The following TNRC6B variants were observed in gnomAD, a reference collection of about 807,000 sequenced individuals.
TNRC6B encodes trinucleotide repeat-containing gene 6B protein.
Under a neutral mutation model 203.6 loss-of-function variants are expected in TNRC6B, and 52 were observed. The observed-to-expected ratio is 0.26, with a 90% CI of 0.20 to 0.32. The LOEUF (loss-of-function observed/expected upper bound fraction) is 0.32, where lower values mean the gene tolerates loss of function less well. Among genes scored for constraint, TNRC6B ranks in the 10% least tolerant of loss-of-function variants. The pLI, the probability that TNRC6B is intolerant of heterozygous loss-of-function variation, is 1.00. For synonymous variants in TNRC6B, 838 were observed against 845.7 expected, an observed-to-expected ratio of 0.99 and a Z score of 0.16; for missense variants, 1,923 against 2,286.2, an observed-to-expected ratio of 0.84 and a Z score of 3.24.
chr22:40,264,698 T>C lies in TNRC6B; in HGVS notation c.468T>C (p.Leu156=). 1 of 1,591,766 alleles carries C rather than the reference T, an allele frequency of 6.3e-7. No homozygotes were observed. The highest frequency in any genetic ancestry group is 8.6e-7 in the Non-Finnish European group (1 of 1,168,134). ...SESGTAPDST[L]GGAAASNYAN... is the part of the protein sequence containing the mutation. ...TGATCTGTTCCCCAGACTCAACCCT[T>C]GGAGGTGCTGCTGCTTCAAATTATG... Residue 156 remains leucine (L), a synonymous_variant, in exon 5 of 23, where the codon CTT becomes CTC. Transcript: ENST00000454349.
At chr22:40,283,517 A>G (rs1029124310) in intron 11 of TNRC6B, among the ~76,000 whole-genome samples, 1 of 152,206 alleles carries the variant, frequency 6.6e-6, no homozygotes, top group East Asian at 1.9e-4. Context: ...CCAAATCTGT[A>G]TGATTGCCCC....
chr22:40,308,532 G>C lies in TNRC6B; in HGVS notation c.4141G>C (p.Asp1381His). The C allele has an allele frequency of 1.9e-6, 3 of 1,613,934 alleles. No homozygotes were observed. Among genetic ancestry groups the C allele is most frequent in the Non-Finnish European group, 2.5e-6 (3 of 1,179,884 alleles). Residue 1381 changes from aspartate (D) to histidine (H), a missense_variant, in exon 16 of 23, where the codon GAC (aspartate) becomes CAC (histidine). Transcript: ENST00000454349. ...YGSGFSSGGM[D>H]YGMVGGKEAG... ...TTTAGGCTTCAGCTCTGGCGGCATGGACTATGGCATGGTTGGTGGGAAGGA... is the reference window on the plus strand; with the variant it reads ...TTTAGGCTTCAGCTCTGGCGGCATGCACTATGGCATGGTTGGTGGGAAGGA...
chr22:40,102,896 G>T (rs894021364), intron 1 of TNRC6B, among the ~76,000 whole-genome samples: 4 of 152,084 alleles, frequency 2.6e-5, no homozygotes, highest in Admixed American at 2.6e-4. Flanking sequence ...GGCCAACATG[G>T]TGAAACCCCG....
intron 1 of TNRC6B, among the ~76,000 whole-genome samples, chr22:40,202,239 A>G (rs985385835): frequency 8.8e-5 from 8 of 91,016 alleles, no homozygotes; most frequent in Non-Finnish European, 1.4e-4. Flanking sequence ...CTAAATGTGT[A>G]TGTGTTGTTG....
chr22:40,167,634 C>T (rs1204387024), intron 4 of TNRC6B, among the ~76,000 whole-genome samples: 1 of 142,362 alleles, frequency 7.0e-6, no homozygotes, highest in South Asian at 2.2e-4. Flanking sequence ...AATCCTAGCA[C>T]TTTGGGAGAC....
In TNRC6B at chr22:40,264,780, A is replaced by T; in HGVS notation, c.550A>T (p.Ile184Phe). Residue 184 changes from isoleucine to phenylalanine, a missense_variant, in exon 5 of 23, where the codon ATT becomes TTT. Around this residue, in one of 8 missense-constraint regions of TNRC6B, gnomAD observed 614 missense variants for 587.7 expected, o/e 1.04. Transcript: ENST00000454349. ...SSNNGTSPNPIHIWDKVIVDG... is the reference protein window; with the variant it reads ...SSNNGTSPNPFHIWDKVIVDG... ...CAACAACGGCACCTCCCCCAACCCA[A>T]TTCACATCTGGGACAAGGTGATTGT... 6.2e-7 allele frequency: 1 copy of T among 1,613,910 alleles called. No individual in the cohort carries two copies. The highest frequency in any genetic ancestry group is 1.1e-5 in the South Asian group (1 of 91,072).
chr22:40,169,278 C>T (rs541496411), intron 4 of TNRC6B, among the ~76,000 whole-genome samples: 22 of 151,618 alleles, frequency 1.5e-4, no homozygotes, highest in Middle Eastern at 3.4e-3. Flanking sequence ...ATCACAGGTG[C>T]GCACCACCAC....
At position 40,157,179 on chromosome 22, in the gene TNRC6B, T is replaced by A. The variant is rs563503614; in HGVS notation, c.113+997T>A. On this transcript the variant is annotated intron_variant, in intron 4 of 23. Transcript: ENST00000301923. ...CTCCGTCATAGAATGTGAAAAATTG[T>A]GTTGCAGAGCAGACTGGTTTTTCAT... is the stretch of plus-strand genomic sequence containing the variant. 2.6e-5 allele frequency among the ~76,000 whole-genome samples: 4 copies of A among 152,266 alleles called. No individual in the cohort carries two copies. In the East Asian group the frequency reaches 7.7e-4, roughly 29 times the overall value.
intron 3 of TNRC6B, among the ~76,000 whole-genome samples, chr22:40,151,370 C>T (rs1207529991): frequency 1.3e-5 from 2 of 151,236 alleles, no homozygotes; most frequent in East Asian, 3.9e-4. Flanking sequence ...TTGAGACCAG[C>T]CTGGCCAACA....
In TNRC6B at chr22:40,266,425, G is replaced by C. The variant is rs1370521249; in HGVS notation, c.2195G>C (p.Trp732Ser). The C allele has an allele frequency of 6.2e-7, 1 of 1,613,904 alleles. No individual in the cohort carries two copies. Among genetic ancestry groups the C allele is most frequent in the Non-Finnish European group, 8.5e-7 (1 of 1,179,866 alleles). ...GAGAATCCCAGCAAGGATCAGGGGT[G>C]GGGAGGTGGACGCCAGCCCAATCAA... ...WNENPSKDQG[W>S]GGGRQPNQGW... Residue 732 changes from tryptophan (W) to serine (S), a missense_variant, in exon 5 of 23, where the codon TGG becomes TCG. Trp to Ser is a radical substitution (Grantham distance 177). This residue lies in a region of TNRC6B where 599 missense variants were observed against 656.5 expected (regional missense o/e 0.91). Coordinates refer to ENST00000454349, the MANE Select transcript of TNRC6B (RefSeq NM_001162501.2).
intron 1 of TNRC6B, among the ~76,000 whole-genome samples, chr22:40,072,725 A>G (rs1601798229): frequency 1.3e-5 from 2 of 151,998 alleles, no homozygotes; most frequent in East Asian, 1.9e-4. Context: ...TTAGCCGGGC[A>G]TGGTGGCACG....
At chr22:40,141,077 A>C (rs1053770125) in intron 3 of TNRC6B, among the ~76,000 whole-genome samples, 3 of 151,942 alleles carry the variant, frequency 2.0e-5, no homozygotes, top group African/African-American at 7.3e-5. Context: ...CATCAACAAG[A>C]TTTAACATAT....
intron 4 of TNRC6B, among the ~76,000 whole-genome samples, chr22:40,157,949 C>T (rs1253603066): frequency 6.6e-6 from 1 of 152,106 alleles, no homozygotes; most frequent in Admixed American, 6.6e-5. Flanking sequence ...CAGATCTTAC[C>T]GACTCTCTCA....
At chr22:40,136,371 T>TTGTGTTTGTGTG (rs2068599140) in intron 3 of TNRC6B, among the ~76,000 whole-genome samples, 1 of 141,118 alleles carries the variant, frequency 7.1e-6, no homozygotes, top group South Asian at 2.3e-4. Context: ...TATGTTTATC[T>TTGTGTTTGTGTG]TGTGTGTGTG....
At chr22:40,126,877 C>T (rs2068498577) in intron 3 of TNRC6B, among the ~76,000 whole-genome samples, 1 of 151,510 alleles carries the variant, frequency 6.6e-6, no homozygotes. Flanking sequence ...AGGCATGAGC[C>T]ACCATGCCTG....
chr22:40,243,172 A>AT (rs988595589), intron 1 of TNRC6B, among the ~76,000 whole-genome samples: 31 of 152,126 alleles, frequency 2.0e-4, no homozygotes, highest in Non-Finnish European at 2.2e-4. Context: ...ACCGGCCTGG[A>AT]TTTTTTTAAA....
chr22:40,133,078 C>T (rs1295950315), intron 3 of TNRC6B, among the ~76,000 whole-genome samples: 1 of 147,248 alleles, frequency 6.8e-6, no homozygotes, highest in Non-Finnish European at 1.5e-5. Flanking sequence ...TTTTATTTGG[C>T]ATTTATGTGC....
intron 1 of TNRC6B, among the ~76,000 whole-genome samples, chr22:40,059,815 GTTT>G (rs764365612): frequency 0.018 from 2,224 of 126,126 alleles, 55 homozygotes; most frequent in African/African-American, 0.063. Context: ...ATAGAGTTTG[GTTT>G]TTTTTTTTTT....
chr22:40,270,669 T>C (rs1461274053), intron 6 of TNRC6B, among the ~76,000 whole-genome samples: 1 of 152,132 alleles, frequency 6.6e-6, no homozygotes, highest in Non-Finnish European at 1.5e-5. Context: ...ATCTGACATT[T>C]TGGTGAGGGC....
Sources: gnomAD v4.1 joint callset for allele counts (sites outside exome capture counted in the v4.1 genomes callset) on GRCh38, gnomAD v4.1.1 for gene constraint, gnomAD v4.1.1 regional missense constraint, MANE v1.5 for transcripts, NCBI Gene and HGNC (gene_info 2026-07-23, HGNC 2026-07-21) for gene names.